MYO1E: variants seen among roughly 807,000 people sequenced by gnomAD.
The protein encoded by MYO1E is unconventional myosin-Ie.
Under a neutral mutation model 151.1 loss-of-function variants are expected in MYO1E, and 68 were observed. That is an observed-to-expected ratio of 0.45 (90% CI 0.37 to 0.55). The LOEUF (loss-of-function observed/expected upper bound fraction) is 0.55, where lower values mean the gene tolerates loss of function less well. Ranked by LOEUF, MYO1E falls within the 20% of genes least tolerant of loss-of-function variation. MYO1E has a pLI of 0.00. For synonymous variants in MYO1E, 601 were observed against 501.7 expected (o/e 1.20, Z -2.64); for missense variants, 1,363 against 1,389.3 (o/e 0.98, Z 0.30).
intron 1 of MYO1E, among the ~76,000 whole-genome samples, chr15:59,278,975 G>C (rs1387662446): frequency 6.6e-6 from 1 of 152,108 alleles, no homozygotes; most frequent in Admixed American, 6.5e-5. Flanking sequence ...AGTGCACTGA[G>C]GGGGTGGCAC....
chr15:59,179,100 G>C (rs1039574498), intron 18 of MYO1E, among the ~76,000 whole-genome samples: 2 of 152,036 alleles, frequency 1.3e-5, no homozygotes, highest in Admixed American at 1.3e-4. Context: ...TTCGAGAATG[G>C]CCTCTTCTTC....
At chr15:59,295,919 G>A (rs1329406257) in intron 1 of MYO1E, among the ~76,000 whole-genome samples, 1 of 152,142 alleles carries the variant, frequency 6.6e-6, no homozygotes, top group African/African-American at 2.4e-5. Context: ...GCTGAGCTGT[G>A]AGTCCCTCTG....
intron 1 of MYO1E, among the ~76,000 whole-genome samples, chr15:59,360,119 A>G (rs756274042): frequency 3.2e-4 from 48 of 152,326 alleles, no homozygotes; most frequent in Non-Finnish European, 5.4e-4. Flanking sequence ...TCTCCAACTT[A>G]CTTATTTTTA....
chr15:59,202,281 G>T, intron 16 of MYO1E, 45 bp downstream of exon 16: 3 of 1,545,050 alleles, frequency 1.9e-6, no homozygotes, highest in Non-Finnish European at 1.8e-6. Flanking sequence ...CCTAGAAAGC[G>T]CTAGCCCTTA....
intron 1 of MYO1E, among the ~76,000 whole-genome samples, chr15:59,308,687 A>C (rs2140408878): frequency 6.9e-6 from 1 of 144,644 alleles, no homozygotes; most frequent in East Asian, 2.3e-4. Context: ...AAAAAAAAAA[A>C]AATTAGCTGG....
At chr15:59,344,530 G>A (rs1313433184) in intron 1 of MYO1E, among the ~76,000 whole-genome samples, 1 of 152,188 alleles carries the variant, frequency 6.6e-6, no homozygotes, top group Non-Finnish European at 1.5e-5. Flanking sequence ...GTTCCCTCAA[G>A]GCCCTAGGGC....
At chr15:59,349,215 C>T (rs188097194) in intron 1 of MYO1E, among the ~76,000 whole-genome samples, 1 of 152,202 alleles carries the variant, frequency 6.6e-6, no homozygotes, top group East Asian at 1.9e-4. Flanking sequence ...ATTTCATTTT[C>T]CTCCCATAAC....
intron 14 of MYO1E, chr15:59,207,657 C>A (rs765492175): frequency 1.9e-5 from 30 of 1,613,980 alleles, no homozygotes; most frequent in Non-Finnish European, 2.5e-5. Flanking sequence ...GATGGATCCT[C>A]GGAGAGCATG....
intron 1 of MYO1E, among the ~76,000 whole-genome samples, chr15:59,274,216 C>T (rs1223814338): frequency 2.6e-5 from 4 of 152,124 alleles, no homozygotes; most frequent in African/African-American, 9.7e-5. Flanking sequence ...GGAAGGCCTG[C>T]CACCCATGCT....
At chr15:59,285,746 G>T (rs2080384207) in intron 1 of MYO1E, among the ~76,000 whole-genome samples, 1 of 152,114 alleles carries the variant, frequency 6.6e-6, no homozygotes, top group African/African-American at 2.4e-5. Context: ...AAAAAGAAAA[G>T]AAAAAATTAA....
chr15:59,370,207 G>A (rs189706073), intron 1 of MYO1E, among the ~76,000 whole-genome samples: 29 of 152,328 alleles, frequency 1.9e-4, no homozygotes, highest in Admixed American at 7.2e-4. Context: ...AGCAGCTGAA[G>A]GGATACAACT....
chr15:59,302,468 T>C (rs1253899439), intron 1 of MYO1E, among the ~76,000 whole-genome samples: 1 of 152,316 alleles, frequency 6.6e-6, no homozygotes, highest in Admixed American at 6.5e-5. Context: ...TAAGGCCGCT[T>C]AGTCTCACTT....
intron 1 of MYO1E, among the ~76,000 whole-genome samples, chr15:59,368,000 T>A (rs11631451): frequency 0.73 from 111,149 of 151,806 alleles, 43,624 homozygotes; most frequent in Non-Finnish European, 0.88. Flanking sequence ...GGGCCTGTAA[T>A]CCCAGCTACT....
intron 18 of MYO1E, among the ~76,000 whole-genome samples, chr15:59,184,018 T>G (rs556285785): frequency 6.6e-6 from 1 of 152,328 alleles, no homozygotes; most frequent in South Asian, 2.1e-4. Context: ...AGGATCTCAT[T>G]CTTTTTCTGA....
At chr15:59,308,079 C>T (rs1216888458) in intron 1 of MYO1E, among the ~76,000 whole-genome samples, 1 of 149,628 alleles carries the variant, frequency 6.7e-6, no homozygotes, top group African/African-American at 2.4e-5. Context: ...AAAAATTAGC[C>T]GGATGTGGTG....
Position 59,195,637 on chromosome 15 carries a change from G to T in MYO1E, c.1699-70C>A, listed in dbSNP as rs754788680. 2.2e-6 allele frequency: 3 copies of T among 1,335,300 alleles called. No individual in the cohort carries two copies. The East Asian group carries it at 6.9e-5, about 31-fold the overall frequency. The allele number at this position is 1,335,300 out of a possible 1,614,324, so 82.7% of individuals were successfully genotyped here. ...GAAGACCAAATTTCAAAGGAGACTT[G>T]TAAAACTCTCTTGTAGAAATACATA... On this transcript the variant is annotated intron_variant, in intron 16 of 27. Transcript: ENST00000288235.
chr15:59,174,261 A>G, intron 19 of MYO1E, 21 bp from the exon 20 acceptor site: 1 of 1,553,234 alleles, frequency 6.4e-7, no homozygotes, highest in South Asian at 1.1e-5. Flanking sequence ...AGAGAAGACA[A>G]ATGTGAGCCA....
chr15:59,208,322 A>G, intron 14 of MYO1E: 1 of 561,756 alleles, frequency 1.8e-6, no homozygotes, highest in East Asian at 3.2e-5. Flanking sequence ...TTGCCATGTT[A>G]TATATATGTA....
intron 1 of MYO1E, among the ~76,000 whole-genome samples, chr15:59,287,179 T>A (rs1163219759): frequency 1.3e-5 from 2 of 152,158 alleles, no homozygotes; most frequent in Non-Finnish European, 2.9e-5. Flanking sequence ...ACAAGCTTGA[T>A]AATTCAACTA....
Sources: gnomAD v4.1 joint callset for allele counts (sites outside exome capture counted in the v4.1 genomes callset) on GRCh38, gnomAD v4.1.1 for gene constraint, MANE v1.5 for transcripts, NCBI Gene and HGNC (gene_info 2026-07-23, HGNC 2026-07-21) for gene names.